PDE4D: variants seen among roughly 807,000 people sequenced by gnomAD.
PDE4D encodes phosphodiesterase 4D.
A neutral mutation model predicts 87.4 loss-of-function variants in PDE4D; 24 were observed. The observed-to-expected ratio is 0.27, with a 90% CI of 0.20 to 0.39. The LOEUF (loss-of-function observed/expected upper bound fraction) is 0.39. Ranked by LOEUF, PDE4D falls within the 10% of genes least tolerant of loss-of-function variation. The pLI is 1.00. For missense variants in PDE4D, 714 were observed against 1,041.0 expected (o/e 0.69, Z 4.32); for synonymous variants, 384 against 383.2 (o/e 1.00, Z -0.02).
At chr5:60,112,460 G>T (rs1449389722) in intron 2 of PDE4D, among the ~76,000 whole-genome samples, 1 of 152,026 alleles carries the variant, frequency 6.6e-6, no homozygotes, top group African/African-American at 2.4e-5. Flanking sequence ...CTCACTTCTG[G>T]TTTAGTATCA....
At chr5:59,116,548 C>G (rs1410617706) in intron 5 of PDE4D, among the ~76,000 whole-genome samples, 1 of 152,132 alleles carries the variant, frequency 6.6e-6, no homozygotes, top group African/African-American at 2.4e-5. Flanking sequence ...ATAAAAAGAA[C>G]CCACAACTGC....
At chr5:59,489,052 TGAG>T (rs1310311731) in intron 1 of PDE4D, among the ~76,000 whole-genome samples, 1 of 151,908 alleles carries the variant, frequency 6.6e-6, no homozygotes. Context: ...TTTGGGAGGC[TGAG>T]GAGGGCGGAT....
chr5:59,405,778 A>G (rs569356357), intron 1 of PDE4D, among the ~76,000 whole-genome samples: 3 of 152,332 alleles, frequency 2.0e-5, no homozygotes, highest in Non-Finnish European at 4.4e-5. Context: ...CTTTCCCAGC[A>G]TAAATTGAAA....
intron 2 of PDE4D, among the ~76,000 whole-genome samples, chr5:60,146,042 C>T (rs1168325157): frequency 5.9e-5 from 9 of 152,198 alleles, no homozygotes; most frequent in East Asian, 3.9e-4. Context: ...GGTGAAACCC[C>T]GTCTCCACTA....
At chr5:59,957,221 T>C (rs1257314966) in intron 3 of PDE4D, among the ~76,000 whole-genome samples, 1 of 152,170 alleles carries the variant, frequency 6.6e-6, no homozygotes, top group African/African-American at 2.4e-5. Context: ...ATTATTATTT[T>C]TTTTGGTTGG....
intron 1 of PDE4D, among the ~76,000 whole-genome samples, chr5:60,264,142 T>C (rs1350129146): frequency 6.6e-6 from 1 of 152,120 alleles, no homozygotes. Context: ...TGGGCAAATA[T>C]ATGAAAACAA....
intron 2 of PDE4D, among the ~76,000 whole-genome samples, chr5:59,998,140 G>A (rs1418927597): frequency 6.6e-6 from 1 of 152,164 alleles, no homozygotes; most frequent in East Asian, 1.9e-4. Context: ...GGATCCTTCA[G>A]AGTTTTGAGA....
At chr5:60,341,911 A>C (rs537948993) in intron 1 of PDE4D, among the ~76,000 whole-genome samples, 1 of 152,284 alleles carries the variant, frequency 6.6e-6, no homozygotes, top group East Asian at 1.9e-4. Context: ...GGCAAAGAAG[A>C]GCAATAAGCA....
intron 1 of PDE4D, among the ~76,000 whole-genome samples, chr5:59,889,052 C>T (rs1750565179): frequency 6.6e-6 from 1 of 151,498 alleles, no homozygotes; most frequent in Non-Finnish European, 1.5e-5. Flanking sequence ...CATGGTGAAG[C>T]TCCATCTCTA....
chr5:59,705,970 G>A (rs929057365), intron 1 of PDE4D, among the ~76,000 whole-genome samples: 2 of 152,218 alleles, frequency 1.3e-5, no homozygotes, highest in Non-Finnish European at 1.5e-5. Context: ...AGATAGTAGT[G>A]CTACCAATCT....
At chr5:59,890,254 TACACACACACACACACACAC>T (rs56258601) in intron 1 of PDE4D, among the ~76,000 whole-genome samples, 1 of 145,374 alleles carries the variant, frequency 6.9e-6, no homozygotes. Flanking sequence ...GGTGCGCACG[TACACACACACACACACACAC>T]ACACACACAC....
chr5:59,520,878 T>TACATATATAC (rs145616207), intron 1 of PDE4D, among the ~76,000 whole-genome samples: 2 of 151,752 alleles, frequency 1.3e-5, no homozygotes, highest in African/African-American at 2.4e-5. Flanking sequence ...CACACACATA[T>TACATATATAC]ACATATATAC....
At chr5:59,486,208 C>T (rs568342540) in intron 1 of PDE4D, among the ~76,000 whole-genome samples, 3 of 152,240 alleles carry the variant, frequency 2.0e-5, no homozygotes, top group East Asian at 1.9e-4. Flanking sequence ...TGTGGCACCT[C>T]TGGGCTTCTG....
chr5:59,942,080 G>C lies in PDE4D; in HGVS notation c.272+46408C>G, dbSNP rs56821498. Reference sequence around the variant, plus strand: ...AGCTCCATCTCCCTGAACTTGGAAGGGGGTGAGAGGGAGCAGTCTTGGTTT... The same window carrying C: ...AGCTCCATCTCCCTGAACTTGGAAGCGGGTGAGAGGGAGCAGTCTTGGTTT... On this transcript the variant is annotated intron_variant, in intron 3 of 16. Coordinates refer to the PDE4D transcript ENST00000502484. 3.8e-3 allele frequency among the ~76,000 whole-genome samples: 576 copies of C among 152,332 alleles called. 4 individuals are homozygous for C. Among genetic ancestry groups the C allele is most frequent in the African/African-American group, 0.013 (542 of 41,570 alleles).
chr5:59,700,497 T>C (rs1464731073), intron 1 of PDE4D, among the ~76,000 whole-genome samples: 2 of 152,066 alleles, frequency 1.3e-5, no homozygotes, highest in Non-Finnish European at 2.9e-5. Flanking sequence ...AAAAATAATA[T>C]GGGAGAAAAA....
rs2963815 is a variant in PDE4D at position 59,929,786 on chromosome 5, C to T, written c.272+58702G>A. The stretch of plus-strand genomic sequence containing the variant: ...CTCTAGGCTTAGTTACTGCCTAAGA[C>T]AAGCCCACCTTACAAAAGAGGCTTG... On this transcript the variant is annotated intron_variant, in intron 3 of 16. Transcript: ENST00000502484. Among the ~76,000 whole-genome samples, 550 of 152,262 alleles carry T rather than the reference C, an allele frequency of 3.6e-3. 18 individuals carry two copies. The East Asian group carries it at 0.087, about 24-fold the overall frequency.
intron 1 of PDE4D, among the ~76,000 whole-genome samples, chr5:60,386,423 T>A (rs1298833623): frequency 6.6e-6 from 1 of 152,150 alleles, no homozygotes; most frequent in Non-Finnish European, 1.5e-5. Flanking sequence ...TAACTCAGAG[T>A]CTCTTCTATG....
At chr5:60,269,208 G>A (rs987259090) in intron 1 of PDE4D, among the ~76,000 whole-genome samples, 8 of 152,196 alleles carry the variant, frequency 5.3e-5, no homozygotes, top group South Asian at 2.1e-4. Context: ...TCGGGAGGCC[G>A]AGGTAGGAGA....
At chr5:59,742,733 T>A (rs1269683033) in intron 1 of PDE4D, among the ~76,000 whole-genome samples, 1 of 152,178 alleles carries the variant, frequency 6.6e-6, no homozygotes, top group Admixed American at 6.5e-5. Context: ...TATCTGGGAA[T>A]TCTGTTATCA....
Sources: gnomAD v4.1 joint callset for allele counts (sites outside exome capture counted in the v4.1 genomes callset) on GRCh38, gnomAD v4.1.1 for gene constraint, MANE v1.5 for transcripts, NCBI Gene and HGNC (gene_info 2026-07-23, HGNC 2026-07-21) for gene names.